Variants in WDR35 observed in about 807,000 individuals in gnomAD.
WDR35 encodes the protein WD repeat domain 35, also known as WD repeat-containing protein 35.
A neutral mutation model predicts 158.3 loss-of-function variants in WDR35; 118 were observed. The observed-to-expected ratio is 0.75, with a 90% confidence interval of 0.64 to 0.87. The LOEUF (loss-of-function observed/expected upper bound fraction) is 0.87. Among genes scored for constraint, WDR35 ranks in the 40% least tolerant of loss-of-function variants. The probability of loss-of-function intolerance (pLI) is 0.00; values close to 1 mark genes in which losing one functional copy is unlikely to be tolerated. For synonymous variants in WDR35, 448 were observed against 476.1 expected, an observed-to-expected ratio of 0.94 and a Z score of 0.77; for missense variants, 1,263 against 1,405.8, an observed-to-expected ratio of 0.90 and a Z score of 1.62.
intron 8 of WDR35, 59 bp from the exon 9 acceptor site, chr2:19,969,664 C>CA: frequency 6.4e-7 from 1 of 1,556,268 alleles, no homozygotes; most frequent in East Asian, 2.3e-5. Flanking sequence ...TACAAATTAC[C>CA]ACCAATCACT....
rs1261014939 is a variant in WDR35 at position 19,989,271 on chromosome 2, G to A, written c.36C>T (p.Pro12=). 1.9e-6 allele frequency: 3 copies of A among 1,614,022 alleles called. No individual in the cohort carries two copies. Among genetic ancestry groups the A allele is most frequent in the African/African-American group, 2.7e-5 (2 of 74,920 alleles). ...FFYLSKKISI[P]NNVKLQCVSW... is the part of the protein sequence containing the mutation. ...ATACACACTGCAGCTTCACGTTATTGGGAATGGAAATCTGAAAAAGCAACC... is the reference window on the plus strand; with the variant it reads ...ATACACACTGCAGCTTCACGTTATTAGGAATGGAAATCTGAAAAAGCAACC... The change falls in exon 2 of 27, where the codon CCC becomes CCT. Residue 12 remains proline (P), a synonymous_variant. Coordinates refer to ENST00000281405, the MANE Select transcript of WDR35 (RefSeq NM_020779.4).
At chr2:19,939,057 C>T (rs1465022832) in intron 17 of WDR35, among the ~76,000 whole-genome samples, 3 of 152,140 alleles carry the variant, frequency 2.0e-5, no homozygotes. Flanking sequence ...ATTACAGCAA[C>T]AACACCACAG....
chr2:19,989,846 G>T, intron 1 of WDR35, 146 bp downstream of exon 1: 2 of 1,348,058 alleles, frequency 1.5e-6, no homozygotes, highest in Non-Finnish European at 2.1e-6. Context: ...GAGGTCGGAG[G>T]CTGGACCCGG....
rs200227940 is a variant in WDR35 at position 19,966,731 on chromosome 2, T to C, written c.1187A>G (p.His396Arg). ...CILATKADEN[H>R]PQFVLVLCNS... ...ATATCAAGAAACACCTACCTGAGGA[T>C]GATTTTCATCAGCTTTTGTAGCCAA... Residue 396 changes from histidine to arginine, a missense_variant, in exon 10 of 27, where the codon CAT (histidine) becomes CGT (arginine). Physicochemically the swap from His to Arg is conservative, Grantham distance 29 (BLOSUM62 0). Coordinates refer to ENST00000281405, the MANE Select transcript of WDR35 (RefSeq NM_020779.4). 6.2e-7 allele frequency: 1 copy of C among 1,613,820 alleles called. No homozygotes were observed. Among genetic ancestry groups the C allele is most frequent in the South Asian group, 1.1e-5 (1 of 91,062 alleles).
chr2:19,987,823 C>CAAAAA (rs34794090), intron 2 of WDR35, among the ~76,000 whole-genome samples: 2 of 57,152 alleles, frequency 3.5e-5, no homozygotes, highest in Non-Finnish European at 6.3e-5. Context: ...AACTCTGTCT[C>CAAAAA]AAAAAAAAAA....
At chr2:19,974,433 AT>A in intron 7 of WDR35, 34 bp downstream of exon 7, 1 of 1,532,840 alleles carries the variant, frequency 6.5e-7, no homozygotes, top group Non-Finnish European at 8.8e-7. Flanking sequence ...AAAAATAGAA[AT>A]TAAAAAAATT....
At chr2:19,960,141 G>A (rs1304215841) in intron 11 of WDR35, among the ~76,000 whole-genome samples, 1 of 152,054 alleles carries the variant, frequency 6.6e-6, no homozygotes, top group Non-Finnish European at 1.5e-5. Flanking sequence ...TGGAAGAGAG[G>A]TATTTACAAG....
intron 22 of WDR35, 95 bp from the exon 23 acceptor site, chr2:19,932,542 C>T: frequency 6.7e-7 from 1 of 1,488,976 alleles, no homozygotes; most frequent in South Asian, 1.2e-5. Flanking sequence ...ATAGTAAAAA[C>T]ACTATTTCAA....
intron 25 of WDR35, among the ~76,000 whole-genome samples, chr2:19,918,512 T>C (rs966360635): frequency 6.6e-6 from 1 of 151,872 alleles, no homozygotes; most frequent in African/African-American, 2.4e-5. Flanking sequence ...GGCAAAGACA[T>C]ACATAGGCTC....
chr2:19,913,779 T>A, intron 26 of WDR35, 71 bp from the exon 27 acceptor site: 1 of 1,586,052 alleles, frequency 6.3e-7, no homozygotes, highest in Non-Finnish European at 8.6e-7. Flanking sequence ...TTAATACACT[T>A]AAAAAAAACC....
chr2:19,984,055 ACCC>A, intron 2 of WDR35, among the ~76,000 whole-genome samples: 1 of 44,032 alleles, frequency 2.3e-5, no homozygotes, highest in South Asian at 1.2e-3. Context: ...ATATACACAC[ACCC>A]ACATATTCTG....
intron 2 of WDR35, among the ~76,000 whole-genome samples, chr2:19,988,199 C>A (rs1672632094): frequency 6.6e-6 from 1 of 152,132 alleles, no homozygotes; most frequent in Non-Finnish European, 1.5e-5. Flanking sequence ...ATACCTACTG[C>A]CCAAGATTAT....
chr2:19,962,149 T>G, intron 10 of WDR35: 1 of 800,516 alleles, frequency 1.2e-6, no homozygotes, highest in Non-Finnish European at 1.9e-6. Context: ...AAAATAAAGT[T>G]TCTATTTTTA....
At chr2:19,943,419 T>C (rs963511588) in intron 16 of WDR35, among the ~76,000 whole-genome samples, 5 of 152,130 alleles carry the variant, frequency 3.3e-5, no homozygotes, top group Non-Finnish European at 5.9e-5. Flanking sequence ...AATGTAGCAT[T>C]AGCATGAACC....
At chr2:19,981,070 C>A (rs180695198) in intron 3 of WDR35, among the ~76,000 whole-genome samples, 23 of 152,248 alleles carry the variant, frequency 1.5e-4, no homozygotes, top group Middle Eastern at 6.8e-3. Context: ...GAAACAAATA[C>A]AAGCATGGTT....
intron 2 of WDR35, among the ~76,000 whole-genome samples, chr2:19,988,265 A>T (rs1248666129): frequency 6.6e-6 from 1 of 152,242 alleles, no homozygotes; most frequent in Non-Finnish European, 1.5e-5. Context: ...AAAATCGTCA[A>T]TAAGTATTTA....
intron 7 of WDR35, 137 bp downstream of exon 7, chr2:19,974,331 C>G (rs942395403): frequency 1.3e-5 from 11 of 849,528 alleles, no homozygotes; most frequent in Non-Finnish European, 1.8e-5. Context: ...TTCGCTTGAA[C>G]CCGGGAGGCA....
At chr2:19,956,459 T>G (rs1358535914) in intron 11 of WDR35, among the ~76,000 whole-genome samples, 1 of 152,168 alleles carries the variant, frequency 6.6e-6, no homozygotes, top group Non-Finnish European at 1.5e-5. Context: ...TTGAATAAAT[T>G]ATTTGTTCTC....
intron 14 of WDR35, among the ~76,000 whole-genome samples, chr2:19,947,750 T>A (rs1671103640): frequency 6.6e-6 from 1 of 151,994 alleles, no homozygotes; most frequent in Admixed American, 6.6e-5. Flanking sequence ...CCCACCACCA[T>A]GCAATCTTCC....
Sources: allele counts gnomAD v4.1 joint callset (sites outside exome capture counted in the v4.1 genomes callset), GRCh38; gene constraint gnomAD v4.1.1; transcripts MANE v1.5; gene names NCBI Gene and HGNC (gene_info 2026-07-23, HGNC 2026-07-21).